BCL2L13: variants seen among roughly 807,000 people sequenced by gnomAD.
BCL2L13 encodes bcl-2-like protein 13.
In BCL2L13, 13 loss-of-function variants were observed where a neutral mutation model predicts 25.8. The ratio of observed to expected loss-of-function variants is 0.50; its 90% CI spans 0.33 to 0.80. The LOEUF (loss-of-function observed/expected upper bound fraction) is 0.80. Ranked by LOEUF, BCL2L13 falls within the 30% of genes least tolerant of loss-of-function variation. The pLI, the probability that BCL2L13 is intolerant of heterozygous loss-of-function variation, is 0.02. For synonymous variants in BCL2L13, 244 were observed against 230.3 expected, an observed-to-expected ratio of 1.06 and a Z score of -0.54; for missense variants, 504 against 574.9, an observed-to-expected ratio of 0.88 and a Z score of 1.26.
rs571448273 is a variant in BCL2L13 at position 17,709,105 on chromosome 22, A to G, written c.600+6719A>G. ...CAAAAAATTAGCTGGGCGTGGTGGC[A>G]GGCACCTGTAGTCCCAGCTACTCGG... On this transcript the variant is annotated intron_variant, in intron 6 of 6. Transcript: ENST00000317582. Among the ~76,000 whole-genome samples, 5 of 152,086 alleles carry G rather than the reference A, an allele frequency of 3.3e-5. No individual in the cohort carries two copies. The South Asian group carries it at 1.0e-3, about 32-fold the overall frequency.
chr22:17,643,066 G>A (rs1375215984), intron 1 of BCL2L13, among the ~76,000 whole-genome samples: 3 of 152,218 alleles, frequency 2.0e-5, no homozygotes, highest in Non-Finnish European at 4.4e-5. Context: ...TCTAGGACGG[G>A]ATGAAAGTAA....
chr22:17,629,554 T>G (rs1235882942), intron 1 of BCL2L13, among the ~76,000 whole-genome samples: 1 of 152,224 alleles, frequency 6.6e-6, no homozygotes, highest in African/African-American at 2.4e-5. Flanking sequence ...AGCCCGTTTT[T>G]TTCCCCAAAA....
chr22:17,642,407 C>T (rs2058325383), intron 1 of BCL2L13, among the ~76,000 whole-genome samples: 1 of 151,004 alleles, frequency 6.6e-6, no homozygotes, highest in Admixed American at 6.6e-5. Flanking sequence ...GATCCACCTA[C>T]CTTGGCCTCC....
chr22:17,684,355 G>A (rs1194254547), intron 3 of BCL2L13, among the ~76,000 whole-genome samples: 1 of 152,046 alleles, frequency 6.6e-6, no homozygotes, highest in Non-Finnish European at 1.5e-5. Flanking sequence ...TGGTTGTAGT[G>A]TATTCACAGA....
In BCL2L13 at chr22:17,649,189, C is replaced by T. The variant is rs575222910; in HGVS notation, c.-50-6473C>T. 1.4e-3 allele frequency among the ~76,000 whole-genome samples: 215 copies of T among 152,216 alleles called. 2 individuals are homozygous for T. The Middle Eastern group carries it at 0.024, about 17-fold the overall frequency. On this transcript the variant is annotated intron_variant, in intron 1 of 6. Transcript: ENST00000317582. ...TTCGGCTCACTGCAACTTCTGCCTCCCAGGCTCAATCAATTCTCTTGCCTC... is the reference window on the plus strand; with the variant it reads ...TTCGGCTCACTGCAACTTCTGCCTCTCAGGCTCAATCAATTCTCTTGCCTC...
chr22:17,705,592 C>T (rs1267153236), intron 6 of BCL2L13, among the ~76,000 whole-genome samples: 1 of 151,956 alleles, frequency 6.6e-6, no homozygotes, highest in African/African-American at 2.4e-5. Flanking sequence ...CCACCGCGCC[C>T]GGCCGATATT....
chr22:17,730,667 T>C lies in BCL2L13; in HGVS notation c.*3133T>C, dbSNP rs919331196. 2 of 152,230 alleles carry C rather than the reference T, an allele frequency of 1.3e-5. No individual in the cohort carries two copies. The highest frequency in any genetic ancestry group is 2.1e-4 in the South Asian group (1 of 4,836). 9.4% of individuals were successfully genotyped at this position (152,230 alleles called of 1,614,324 possible). ...TCTTACATCTTTCCACACAAACTTA[T>C]CTTTCCAAGAATTTGAGGTGGTGAT... On this transcript the variant is annotated 3_prime_UTR_variant, in exon 7 of 7. Transcript: ENST00000317582.
chr22:17,704,989 A>C (rs2060547759), intron 6 of BCL2L13, among the ~76,000 whole-genome samples: 1 of 108,904 alleles, frequency 9.2e-6, no homozygotes, highest in African/African-American at 4.6e-5. Context: ...AAGATAGGCA[A>C]AAAAAAAAAA....
intron 5 of BCL2L13, among the ~76,000 whole-genome samples, chr22:17,697,978 G>A (rs1008609865): frequency 7.2e-5 from 11 of 152,026 alleles, no homozygotes; most frequent in Admixed American, 6.5e-5. Context: ...ACCTTGCCCA[G>A]CTAATTTTTG....
chr22:17,674,872 A>C (rs1275498688), intron 2 of BCL2L13, among the ~76,000 whole-genome samples: 1 of 77,404 alleles, frequency 1.3e-5, no homozygotes, highest in Non-Finnish European at 2.5e-5. Flanking sequence ...TACCACATAT[A>C]ATTTAATGTG....
chr22:17,696,124 TA>T lies in BCL2L13; in HGVS notation c.387-10del. On this transcript the variant is annotated splice_polypyrimidine_tract_variant and intron_variant, in intron 4 of 6. Transcript: ENST00000317582. ...TTTCCTTCTTTGTGACACAGACTTT[TA>T]AAAAAATCTCTACAGGCCAGTGACA... The T allele has an allele frequency of 6.2e-7, 1 of 1,605,724 alleles. No individual in the cohort carries two copies. Among genetic ancestry groups the T allele is most frequent in the Non-Finnish European group, 8.5e-7 (1 of 1,172,636 alleles).
In BCL2L13 at chr22:17,660,375, T is replaced by G. The variant is rs1485915893; in HGVS notation, c.121+4543T>G. ...AGTTGAGGAACTTATTTTTGGAATG[T>G]ATTTTTATAAATTGATCAGATTGGT... On this transcript the variant is annotated intron_variant, in intron 2 of 6. Coordinates refer to ENST00000317582, the MANE Select transcript of BCL2L13 (RefSeq NM_015367.4). Among the ~76,000 whole-genome samples the G allele has an allele frequency of 2.0e-5, 3 of 146,438 alleles. 1 individual carries two copies. The highest frequency in any genetic ancestry group is 4.7e-5 in the Non-Finnish European group (3 of 64,374).
chr22:17,688,458 G>C (rs2145618258), intron 3 of BCL2L13, among the ~76,000 whole-genome samples: 1 of 152,258 alleles, frequency 6.6e-6, no homozygotes, highest in African/African-American at 2.4e-5. Context: ...AATTTTAAGA[G>C]AAGGATAATA....
At chr22:17,638,649 C>G (rs960726674), upstream of BCL2L13, 5 of 1,228,444 alleles carry the variant, frequency 4.1e-6, no homozygotes, top group African/African-American at 7.8e-5. Flanking sequence ...GAGAGACCTC[C>G]GGGGCCTCCG....
chr22:17,672,866 G>C (rs1568955455), intron 2 of BCL2L13, among the ~76,000 whole-genome samples: 1 of 152,104 alleles, frequency 6.6e-6, no homozygotes, highest in African/African-American at 2.4e-5. Context: ...TATTGATGGT[G>C]GTGTGATTGG....
intron 1 of BCL2L13, among the ~76,000 whole-genome samples, chr22:17,647,944 C>T (rs549816976): frequency 5.3e-5 from 8 of 152,094 alleles, no homozygotes; most frequent in South Asian, 2.1e-4. Flanking sequence ...CTGGCTAACA[C>T]GGTGAAACCC....
intron 2 of BCL2L13, among the ~76,000 whole-genome samples, chr22:17,666,898 G>A (rs887741932): frequency 2.2e-4 from 33 of 151,912 alleles, no homozygotes; most frequent in African/African-American, 6.8e-4. Flanking sequence ...AGTTGGCCAG[G>A]CTGGTCTTGA....
At chr22:17,719,210 C>G (rs1257222219) in intron 6 of BCL2L13, among the ~76,000 whole-genome samples, 1 of 107,490 alleles carries the variant, frequency 9.3e-6, no homozygotes, top group African/African-American at 3.4e-5. Flanking sequence ...AACATAAAAA[C>G]ACAACTCTAT....
At chr22:17,635,714 T>TC (rs2058092119), upstream of BCL2L13, among the ~76,000 whole-genome samples, 1 of 150,768 alleles carries the variant, frequency 6.6e-6, no homozygotes, top group African/African-American at 2.4e-5. Context: ...ACAAAAACAA[T>TC]CTTTTTTTTT....
Sources: allele counts gnomAD v4.1 joint callset (sites outside exome capture counted in the v4.1 genomes callset), GRCh38; gene constraint gnomAD v4.1.1; transcripts MANE v1.5; gene names NCBI Gene and HGNC (gene_info 2026-07-23, HGNC 2026-07-21).